FGD5: variants seen among roughly 807,000 people sequenced by gnomAD.
FGD5 encodes the protein FYVE, RhoGEF and PH domain containing 5, also known as FYVE, RhoGEF and PH domain-containing protein 5.
In FGD5, 28 loss-of-function variants were observed where a neutral mutation model predicts 133.4. The observed-to-expected ratio is 0.21, with a 90% CI of 0.16 to 0.29. FGD5 has a LOEUF of 0.29. Among genes scored for constraint, FGD5 ranks in the 10% least tolerant of loss-of-function variants. The pLI is 1.00. For synonymous variants in FGD5, 810 were observed against 776.5 expected, an observed-to-expected ratio of 1.04 and a Z score of -0.72; for missense variants, 1,858 against 1,895.2, an observed-to-expected ratio of 0.98 and a Z score of 0.36.
At chr3:14,824,813 T>C (rs1575189436) in intron 1 of FGD5, among the ~76,000 whole-genome samples, 1 of 152,350 alleles carries the variant, frequency 6.6e-6, no homozygotes, top group East Asian at 1.9e-4. Flanking sequence ...TTGCCGTAAA[T>C]AGAAGGCAAT....
rs536681458 is a variant in FGD5, at chr3:14,854,590, A to G, written c.2526-9538A>G. On this transcript the variant is annotated intron_variant, in intron 1 of 19. Coordinates refer to ENST00000285046, the MANE Select transcript of FGD5 (RefSeq NM_152536.4). ...ACCACTGCACCTAGCTAGTTTTTTA[A>G]TTTTTTGTAGGTATGGGAGGTCTTG... Among the ~76,000 whole-genome samples the G allele has an allele frequency of 1.1e-4, 17 of 151,518 alleles. No individual in the cohort carries two copies. In the South Asian group the frequency reaches 3.3e-3, roughly 30 times the overall value.
chr3:14,900,351 G>C, intron 7 of FGD5, 52 bp from the exon 8 acceptor site: 2 of 1,591,434 alleles, frequency 1.3e-6, no homozygotes, highest in Non-Finnish European at 1.7e-6. Flanking sequence ...GTTGTGGGCA[G>C]GAGGGGCTGA....
Position 14,918,808 on chromosome 3 carries a change from G to A in FGD5, c.3544G>A (p.Glu1182Lys), listed in dbSNP as rs769810578. 1.6e-5 allele frequency: 26 copies of A among 1,613,864 alleles called. No homozygotes were observed. Among genetic ancestry groups the A allele is most frequent in the African/African-American group, 2.7e-5 (2 of 74,934 alleles). Residue 1182 changes from glutamate to lysine, a missense_variant, in exon 13 of 20, where the codon GAG becomes AAG. By Grantham distance (56) the Glu-to-Lys change is moderately conservative. Coordinates refer to ENST00000285046, the MANE Select transcript of FGD5 (RefSeq NM_152536.4). ...VPYALKIETS[E>K]SCLMLSASSC... Reference sequence around the variant, plus strand: ...CTACGCTCTAAAGATTGAGACTTCCGAGTCCTGCCTGATGCTGTCTGCGAG... The same window carrying A: ...CTACGCTCTAAAGATTGAGACTTCCAAGTCCTGCCTGATGCTGTCTGCGAG...
intron 1 of FGD5, among the ~76,000 whole-genome samples, chr3:14,853,127 C>G (rs1687320): frequency 0.26 from 39,210 of 151,802 alleles, 5,301 homozygotes; most frequent in East Asian, 0.39. Flanking sequence ...CTTTGTCTTC[C>G]GTGGTCCCAG....
chr3:14,906,418 C>A (rs2038342711), intron 9 of FGD5, among the ~76,000 whole-genome samples: 1 of 152,190 alleles, frequency 6.6e-6, no homozygotes, highest in South Asian at 2.1e-4. Flanking sequence ...TAGGGTGCAG[C>A]TTTCCTCTCT....
intron 11 of FGD5, among the ~76,000 whole-genome samples, chr3:14,915,219 G>T (rs1298332440): frequency 1.3e-5 from 2 of 152,232 alleles, no homozygotes; most frequent in East Asian, 1.9e-4. Flanking sequence ...CATGGAGGGG[G>T]TCATTGGTGG....
chr3:14,854,283 G>A (rs953600264), intron 1 of FGD5, among the ~76,000 whole-genome samples: 19 of 152,060 alleles, frequency 1.2e-4, no homozygotes, highest in African/African-American at 4.6e-4. Flanking sequence ...CTTATTGAGT[G>A]GTGGGACCAT....
At chr3:14,919,487 A>G (rs35519155) in intron 13 of FGD5, among the ~76,000 whole-genome samples, 65,360 of 151,420 alleles carry the variant, frequency 0.43, 15,130 homozygotes, top group South Asian at 0.59. Context: ...GCGTGGTGGC[A>G]GGCACCTGTA....
At chr3:14,832,778 T>G (rs1240332915) in intron 1 of FGD5, among the ~76,000 whole-genome samples, 5 of 152,122 alleles carry the variant, frequency 3.3e-5, no homozygotes, top group Non-Finnish European at 5.9e-5. Flanking sequence ...AACTTCAGGA[T>G]GGAAATTTTC....
intron 17 of FGD5, among the ~76,000 whole-genome samples, chr3:14,924,459 T>C (rs1273157280): frequency 6.6e-6 from 1 of 152,164 alleles, no homozygotes; most frequent in Non-Finnish European, 1.5e-5. Context: ...GCCAAATTCC[T>C]GTGTTGGTCC....
intron 4 of FGD5, among the ~76,000 whole-genome samples, chr3:14,895,769 A>G (rs978431369): frequency 1.6e-4 from 24 of 152,074 alleles, no homozygotes; most frequent in African/African-American, 5.3e-4. Context: ...GGGTTTTGCC[A>G]TGTTGCCTAG....
At chr3:14,868,167 G>A (rs1240157648) in intron 2 of FGD5, among the ~76,000 whole-genome samples, 2 of 152,082 alleles carry the variant, frequency 1.3e-5, no homozygotes, top group Non-Finnish European at 2.9e-5. Context: ...TCAAAGACTC[G>A]CTGACGTGTC....
intron 10 of FGD5, among the ~76,000 whole-genome samples, chr3:14,909,746 CTTTTCTTTTCTTTTCTT>C (rs1343337582): frequency 6.8e-6 from 1 of 147,370 alleles, no homozygotes; most frequent in Non-Finnish European, 1.5e-5. Flanking sequence ...ATGCACTTTT[CTTTTCTTTTCTTTTCTT>C]TTTTTTTTTT....
intron 1 of FGD5, among the ~76,000 whole-genome samples, chr3:14,835,398 G>C (rs947818775): frequency 6.6e-6 from 1 of 152,030 alleles, no homozygotes. Flanking sequence ...TGCTTGGAAG[G>C]CTGAGGCACA....
chr3:14,907,611 TC>T (rs752356486), intron 9 of FGD5, 28 bp from the exon 10 acceptor site: 1 of 1,607,918 alleles, frequency 6.2e-7, no homozygotes, highest in South Asian at 1.1e-5. Flanking sequence ...GCCCTGACCA[TC>T]TCTCCCTCAC....
chr3:14,865,119 A>ACCCCCCCCCCCCCT (rs1216267069), intron 2 of FGD5, among the ~76,000 whole-genome samples: 1 of 140,746 alleles, frequency 7.1e-6, no homozygotes. Context: ...CCCCCACCCA[A>ACCCCCCCCCCCCCT]CCCACCCATC....
rs769577404 is a variant in FGD5 at position 14,924,125 on chromosome 3, C to T, written c.4055C>T (p.Ser1352Leu). 9.3e-6 allele frequency: 15 copies of T among 1,613,900 alleles called. No homozygotes were observed. The Admixed American group carries it at 2.5e-4, about 27-fold the overall frequency. Reference sequence around the variant, plus strand: ...TTCAAGAAGCAGAAGAAAGTCCCTTCAGCCCTGACAGAGGTAAAGCAGGCA... The same window carrying T: ...TTCAAGAAGCAGAAGAAAGTCCCTTTAGCCCTGACAGAGGTAAAGCAGGCA... ...STFKKQKKVP[S>L]ALTEVAASGE... The change falls in exon 17 of 20, where the codon TCA (serine) becomes TTA (leucine). Residue 1352 changes from serine to leucine, a missense_variant. By Grantham distance (145) the Ser-to-Leu change is moderately radical (BLOSUM62 -2). Around this residue, in one of 3 missense-constraint regions of FGD5, gnomAD observed 1,824 missense variants for 1,848.9 expected, o/e 0.99. Transcript: ENST00000285046.
At chr3:14,892,105 G>T (rs1363984404) in intron 4 of FGD5, among the ~76,000 whole-genome samples, 1 of 152,062 alleles carries the variant, frequency 6.6e-6, no homozygotes, top group Non-Finnish European at 1.5e-5. Flanking sequence ...CACTTGGGGA[G>T]AGAAGGCCAG....
chr3:14,908,541 C>G (rs1229982566), intron 10 of FGD5, among the ~76,000 whole-genome samples: 1 of 151,828 alleles, frequency 6.6e-6, no homozygotes, highest in East Asian at 1.9e-4. Flanking sequence ...AAATATAATT[C>G]TGGAAAAAAT....
Sources: gnomAD v4.1 joint callset for allele counts (sites outside exome capture counted in the v4.1 genomes callset) on GRCh38, gnomAD v4.1.1 for gene constraint, gnomAD v4.1.1 regional missense constraint, MANE v1.5 for transcripts, NCBI Gene and HGNC (gene_info 2026-07-23, HGNC 2026-07-21) for gene names.